The following TMEM106B variants were observed in gnomAD, a reference collection of about 807,000 sequenced individuals.
The protein encoded by TMEM106B is transmembrane protein 106B.
A neutral mutation model predicts 31.1 loss-of-function variants in TMEM106B; 15 were observed. The ratio of observed to expected loss-of-function variants is 0.48; its 90% CI spans 0.32 to 0.74. TMEM106B has a LOEUF of 0.74. TMEM106B is among the 30% of genes least tolerant of loss of function. The probability of loss-of-function intolerance (pLI) is 0.03; values close to 1 mark genes in which losing one functional copy is unlikely to be tolerated. For synonymous variants in TMEM106B, 126 were observed against 112.5 expected (o/e 1.12, Z -0.76); for missense variants, 283 against 327.3 (o/e 0.86, Z 1.04).
chr7:12,212,735 C>T (rs1297314461), intron 1 of TMEM106B, among the ~76,000 whole-genome samples: 1 of 152,146 alleles, frequency 6.6e-6, no homozygotes, highest in Non-Finnish European at 1.5e-5. Context: ...TGGAGCAACA[C>T]ACATTGTACC....
At chr7:12,224,940 C>T (rs1781868951) in intron 4 of TMEM106B, among the ~76,000 whole-genome samples, 1 of 151,566 alleles carries the variant, frequency 6.6e-6, no homozygotes, top group Non-Finnish European at 1.5e-5. Context: ...CATATGTATA[C>T]AGGTGCCATG....
intron 2 of TMEM106B, among the ~76,000 whole-genome samples, chr7:12,215,995 G>A (rs541253765): frequency 9.2e-5 from 14 of 152,206 alleles, no homozygotes; most frequent in African/African-American, 3.4e-4. Context: ...TGACCCTGGA[G>A]ATACCCAGAG....
chr7:12,212,481 T>TA (rs1240752061), intron 1 of TMEM106B, among the ~76,000 whole-genome samples: 1 of 133,934 alleles, frequency 7.5e-6, no homozygotes, highest in East Asian at 2.1e-4. Context: ...CAGTGATTTT[T>TA]ATAAATACAT....
intron 5 of TMEM106B, 56 bp downstream of exon 5, chr7:12,229,875 A>G: frequency 6.5e-7 from 1 of 1,527,350 alleles, no homozygotes. Context: ...AGCTTTGTAT[A>G]TCATATAACT....
At chr7:12,227,550 C>G (rs1781925547) in intron 4 of TMEM106B, among the ~76,000 whole-genome samples, 1 of 140,920 alleles carries the variant, frequency 7.1e-6, no homozygotes, top group East Asian at 2.1e-4. Flanking sequence ...CTTGTGTAGT[C>G]TTTTACATGA....
rs1252007431 is a variant in TMEM106B, at chr7:12,241,204, G to C, written c.*9229G>C. 3 of 151,990 alleles carry C rather than the reference G, an allele frequency of 2.0e-5. No individual in the cohort carries two copies. Among genetic ancestry groups the C allele is most frequent in the Admixed American group, 1.3e-4 (2 of 15,226 alleles). 9.4% of individuals were successfully genotyped at this position (151,990 alleles called of 1,614,324 possible). A position where few individuals can be genotyped will look rare whatever the true frequency, so the allele number is the denominator to read the frequency against. ...AGCATTTTTTAAGTTGCCCCAAAAA[G>C]ATGAAATACAAATAATTTTAATCCC... On this transcript the variant is annotated 3_prime_UTR_variant, in exon 8 of 8. Coordinates refer to ENST00000396668, the MANE Select transcript of TMEM106B (RefSeq NM_001134232.2).
intron 3 of TMEM106B, among the ~76,000 whole-genome samples, chr7:12,220,366 T>C (rs1028633038): frequency 1.3e-5 from 2 of 152,082 alleles, no homozygotes; most frequent in Non-Finnish European, 2.9e-5. Context: ...AACTAAGTAG[T>C]AAAGTTTACA....
At chr7:12,228,923 A>G (rs1381547876) in intron 4 of TMEM106B, among the ~76,000 whole-genome samples, 4 of 151,838 alleles carry the variant, frequency 2.6e-5, no homozygotes, top group Non-Finnish European at 4.4e-5. Context: ...TTGTTTATGT[A>G]TGTCCTTTGT....
At position 12,214,948 on chromosome 7, in the gene TMEM106B, T is replaced by C. The variant is rs1255266558; in HGVS notation, c.138T>C (p.Ser46=). 1.2e-6 allele frequency: 2 copies of C among 1,614,082 alleles called. No homozygotes were observed. Among genetic ancestry groups the C allele is most frequent in the East Asian group, 2.2e-5 (1 of 44,854 alleles). The change falls in exon 2 of 8, where the codon TCT becomes TCC. Residue 46 remains serine, a synonymous_variant. Transcript: ENST00000396668. ...HNEDGRNGDV[S]QFPYVEFTGR... Reference sequence around the variant, plus strand: ...AAGATGGAAGAAATGGAGATGTCTCTCAGTTTCCATATGTGGAATTTACAG... The same window carrying C: ...AAGATGGAAGAAATGGAGATGTCTCCCAGTTTCCATATGTGGAATTTACAG...
chr7:12,230,165 G>A (rs1040637608), intron 5 of TMEM106B, among the ~76,000 whole-genome samples: 18 of 152,054 alleles, frequency 1.2e-4, no homozygotes, highest in South Asian at 4.2e-4. Flanking sequence ...CTCGCGAGCC[G>A]TGATCACACC....
chr7:12,213,593 G>A (rs74964643), intron 1 of TMEM106B, among the ~76,000 whole-genome samples: 2,974 of 152,150 alleles, frequency 0.02, 91 homozygotes, highest in African/African-American at 0.068. Context: ...CAGAGAACCT[G>A]CAGGTGTAGA....
Position 12,233,302 on chromosome 7 carries a change from G to A in TMEM106B, c.*1327G>A, listed in dbSNP as rs1426008006. ...ACATTTAAAATATGTACTAAGTGTA[G>A]GAGTGGTTATGATACCAAAAAATGT... On this transcript the variant is annotated 3_prime_UTR_variant, in exon 8 of 8. Transcript: ENST00000396668. 1 of 148,266 alleles carries A rather than the reference G, an allele frequency of 6.7e-6. No individual in the cohort carries two copies. Among genetic ancestry groups the A allele is most frequent in the African/African-American group, 2.5e-5 (1 of 40,346 alleles). 9.2% of individuals were successfully genotyped at this position (148,266 alleles called of 1,614,324 possible).
rs1049456295 is a variant in TMEM106B at position 12,236,620 on chromosome 7, G to C, written c.*4645G>C. Reference sequence around the variant, plus strand: ...AGGTAATATTACTACCATGTAGACTGTTATAGTTCAAATTGTCCCACTTCA... The same window carrying C: ...AGGTAATATTACTACCATGTAGACTCTTATAGTTCAAATTGTCCCACTTCA... On this transcript the variant is annotated 3_prime_UTR_variant, in exon 8 of 8. Transcript: ENST00000396668. The C allele has an allele frequency of 1.3e-5, 2 of 151,970 alleles. No individual in the cohort carries two copies. Among genetic ancestry groups the C allele is most frequent in the African/African-American group, 2.4e-5 (1 of 41,428 alleles). The allele number at this position is 151,970 out of a possible 1,614,324, so 9.4% of individuals were successfully genotyped here.
At chr7:12,219,459 A>G (rs1234573110) in intron 3 of TMEM106B, among the ~76,000 whole-genome samples, 1 of 152,214 alleles carries the variant, frequency 6.6e-6, no homozygotes, top group Non-Finnish European at 1.5e-5. Flanking sequence ...AAAGGATTGC[A>G]ACAAAGCATT....
At chr7:12,215,130 A>G (rs995540952) in intron 2 of TMEM106B, 103 bp downstream of exon 2, 18 of 899,046 alleles carry the variant, frequency 2.0e-5, no homozygotes, top group Non-Finnish European at 3.0e-5. Flanking sequence ...GAGGACTCTT[A>G]GAATTAAAGT....
At chr7:12,228,853 T>C (rs1431072385) in intron 4 of TMEM106B, among the ~76,000 whole-genome samples, 1 of 152,108 alleles carries the variant, frequency 6.6e-6, no homozygotes, top group East Asian at 1.9e-4. Context: ...TTTTCCTAAC[T>C]ATAAATGAAT....
At chr7:12,224,829 C>G (rs1393188564) in intron 4 of TMEM106B, among the ~76,000 whole-genome samples, 1 of 149,910 alleles carries the variant, frequency 6.7e-6, no homozygotes, top group Non-Finnish European at 1.5e-5. Flanking sequence ...ATACAGGTGA[C>G]TGGTTTCTCT....
At position 12,237,600 on chromosome 7, in the gene TMEM106B, G is replaced by C. The variant is rs185028140; in HGVS notation, c.*5625G>C. ...CTTTTTTTGGTTTCCCAGTGCATAT[G>C]AAAGTTATGTTTACATCATACTGTA... is the stretch of plus-strand genomic sequence containing the variant. On this transcript the variant is annotated 3_prime_UTR_variant, in exon 8 of 8. Coordinates refer to ENST00000396668, the MANE Select transcript of TMEM106B (RefSeq NM_001134232.2). 5 of 152,138 alleles carry C rather than the reference G, an allele frequency of 3.3e-5. No homozygotes were observed. The highest frequency in any genetic ancestry group is 2.0e-4 in the Admixed American group (3 of 15,262). The allele number at this position is 152,138 out of a possible 1,614,324, so 9.4% of individuals were successfully genotyped here.
At position 12,238,723 on chromosome 7, in the gene TMEM106B, G is replaced by C. The variant is rs1466409845; in HGVS notation, c.*6748G>C. ...CATCATCAGAGCTGTTGGGTGACCAGGTACATTGTCAATGAGTAGTAATAC... is the reference window on the plus strand; with the variant it reads ...CATCATCAGAGCTGTTGGGTGACCACGTACATTGTCAATGAGTAGTAATAC... On this transcript the variant is annotated 3_prime_UTR_variant, in exon 8 of 8. Coordinates refer to ENST00000396668, the MANE Select transcript of TMEM106B (RefSeq NM_001134232.2). 6.6e-6 allele frequency: 1 copy of C among 152,128 alleles called. No individual in the cohort carries two copies. Among genetic ancestry groups the C allele is most frequent in the Admixed American group, 6.5e-5 (1 of 15,268 alleles). 9.4% of individuals were successfully genotyped at this position (152,128 alleles called of 1,614,324 possible).
Sources: allele counts gnomAD v4.1 joint callset (sites outside exome capture counted in the v4.1 genomes callset), GRCh38; gene constraint gnomAD v4.1.1; transcripts MANE v1.5; gene names NCBI Gene and HGNC (gene_info 2026-07-23, HGNC 2026-07-21).